TUSC3: variants seen among roughly 807,000 people sequenced by gnomAD.
TUSC3 encodes the protein tumor suppressor candidate 3.
A neutral mutation model predicts 44.8 loss-of-function variants in TUSC3; 45 were observed. The observed-to-expected ratio is 1.00, with a 90% CI of 0.79 to 1.29. TUSC3 has a LOEUF of 1.29. TUSC3 is among the 50% of genes most tolerant of loss of function. The pLI, the probability that TUSC3 is intolerant of heterozygous loss-of-function variation, is 0.00. For missense variants in TUSC3, 519 were observed against 437.9 expected (o/e 1.19, Z -1.65); for synonymous variants, 212 against 152.9 (o/e 1.39, Z -2.85).
At chr8:15,795,661 CAG>C in the TUSC3 span, among the ~76,000 whole-genome samples, 1 of 152,204 alleles carries the variant, frequency 6.6e-6, no homozygotes, top group Admixed American at 6.5e-5. Context: ...CACGAGGACA[CAG>C]AGTCCCTGGA....
intron 2 of TUSC3, among the ~76,000 whole-genome samples, chr8:15,517,949 A>C (rs1166133676): frequency 4.0e-5 from 6 of 151,074 alleles, no homozygotes; most frequent in Non-Finnish European, 1.5e-5. Context: ...AACTATTTAC[A>C]TTTGAAAACA....
chr8:15,518,040 G>T (rs1421256493), intron 2 of TUSC3, among the ~76,000 whole-genome samples: 1 of 150,492 alleles, frequency 6.6e-6, no homozygotes, highest in Non-Finnish European at 1.5e-5. Flanking sequence ...TACCCCTTTT[G>T]CCAGCCTCCG....
At chr8:15,641,594 C>T (rs987234745) in intron 2 of TUSC3, among the ~76,000 whole-genome samples, 1 of 152,136 alleles carries the variant, frequency 6.6e-6, no homozygotes, top group African/African-American at 2.4e-5. Context: ...TTACTAGAGA[C>T]TTCGTTATGC....
rs150898849 is a variant in TUSC3, at chr8:15,666,217, A to G, written c.708+3921A>G. ...TGACTGTCATTTCAAGCCAGAAAATATTAGTAGGATAAGCAATAACATTCA... is the reference window on the plus strand; with the variant it reads ...TGACTGTCATTTCAAGCCAGAAAATGTTAGTAGGATAAGCAATAACATTCA... On this transcript the variant is annotated intron_variant, in intron 5 of 10. Transcript: ENST00000503731. Among the ~76,000 whole-genome samples the G allele has an allele frequency of 4.3e-3, 656 of 151,610 alleles. 3 individuals carry two copies. The highest frequency in any genetic ancestry group is 5.8e-3 in the Non-Finnish European group (394 of 67,572).
At chr8:15,751,385 C>G (rs1811695818) in intron 9 of TUSC3, among the ~76,000 whole-genome samples, 1 of 152,182 alleles carries the variant, frequency 6.6e-6, no homozygotes, top group African/African-American at 2.4e-5. Context: ...AATCCTTCCA[C>G]TATTATTACT....
intron 3 of TUSC3, among the ~76,000 whole-genome samples, chr8:15,655,534 T>G (rs1334114775): frequency 6.6e-6 from 1 of 152,206 alleles, no homozygotes; most frequent in Non-Finnish European, 1.5e-5. Context: ...GTCCGAACAG[T>G]GCACTTTGAT....
chr8:15,490,764 T>C (rs1800797670), intron 2 of TUSC3, among the ~76,000 whole-genome samples: 1 of 152,212 alleles, frequency 6.6e-6, no homozygotes, highest in Admixed American at 6.5e-5. Context: ...TGAAAGAAAG[T>C]CACCAAAACA....
At chr8:15,590,396 A>C (rs1236203833) in intron 1 of TUSC3, among the ~76,000 whole-genome samples, 1 of 152,144 alleles carries the variant, frequency 6.6e-6, no homozygotes, top group Non-Finnish European at 1.5e-5. Flanking sequence ...GCCTAGTGAG[A>C]GACGTCATGA....
intron 1 of TUSC3, among the ~76,000 whole-genome samples, chr8:15,427,164 T>C (rs1799814280): frequency 6.6e-6 from 1 of 151,710 alleles, no homozygotes; most frequent in African/African-American, 2.4e-5. Context: ...ACAAATACTT[T>C]ATTTCATTCT....
chr8:15,738,827 C>CTTTTTTTTTTTCTTTCTT (rs1811050249), intron 7 of TUSC3, among the ~76,000 whole-genome samples: 3 of 87,204 alleles, frequency 3.4e-5, no homozygotes, highest in African/African-American at 1.5e-4. Flanking sequence ...ATATATCTTG[C>CTTTTTTTTTTTCTTTCTT]TTTTTTTTTT....
chr8:15,776,933 C>CA, the TUSC3 span, among the ~76,000 whole-genome samples: 9 of 150,886 alleles, frequency 6.0e-5, no homozygotes, highest in East Asian at 3.9e-4. Flanking sequence ...TGTGTTCATT[C>CA]AAAAAAAAAA....
intron 6 of TUSC3, among the ~76,000 whole-genome samples, chr8:15,675,787 G>A (rs911718506): frequency 2.0e-5 from 3 of 152,108 alleles, no homozygotes; most frequent in African/African-American, 2.4e-5. Context: ...TTTTATGGCT[G>A]TATAGTATTC....
At chr8:15,614,967 G>A (rs1275768699) in intron 1 of TUSC3, among the ~76,000 whole-genome samples, 3 of 147,796 alleles carry the variant, frequency 2.0e-5, no homozygotes, top group African/African-American at 7.4e-5. Context: ...CCCAAAATTC[G>A]GAAAAGGACG....
intron 2 of TUSC3, among the ~76,000 whole-genome samples, chr8:15,504,940 G>A (rs183892840): frequency 1.5e-4 from 23 of 151,780 alleles, no homozygotes; most frequent in Middle Eastern, 3.4e-3. Context: ...GCAATTTTGC[G>A]TCTTTCTTTC....
At chr8:15,630,063 T>G (rs1315557914) in intron 2 of TUSC3, among the ~76,000 whole-genome samples, 1 of 152,182 alleles carries the variant, frequency 6.6e-6, no homozygotes. Context: ...TCATAATTGC[T>G]AACTCTTTTA....
chr8:15,828,730 C>T, the TUSC3 span, among the ~76,000 whole-genome samples: 1 of 152,130 alleles, frequency 6.6e-6, no homozygotes, highest in Non-Finnish European at 1.5e-5. Context: ...CCACAGACAG[C>T]TGAAATAATC....
At chr8:15,446,399 C>G (rs62501884) in intron 1 of TUSC3, among the ~76,000 whole-genome samples, 1 of 151,858 alleles carries the variant, frequency 6.6e-6, no homozygotes, top group African/African-American at 2.4e-5. Context: ...GAGGTTGTAG[C>G]GAGTCGAGAT....
intron 2 of TUSC3, among the ~76,000 whole-genome samples, chr8:15,487,730 C>T (rs530024639): frequency 2.2e-4 from 33 of 152,256 alleles, no homozygotes; most frequent in African/African-American, 6.0e-4. Flanking sequence ...TATTTGCAAA[C>T]GAAACATCCA....
At chr8:15,749,603 G>C (rs889358240) in intron 9 of TUSC3, among the ~76,000 whole-genome samples, 1 of 151,848 alleles carries the variant, frequency 6.6e-6, no homozygotes, top group Admixed American at 6.6e-5. Flanking sequence ...GGCAGCAAGG[G>C]TTATGAGAGA....
Sources: gnomAD v4.1 joint callset for allele counts (sites outside exome capture counted in the v4.1 genomes callset) on GRCh38, gnomAD v4.1.1 for gene constraint, MANE v1.5 for transcripts, NCBI Gene and HGNC (gene_info 2026-07-23, HGNC 2026-07-21) for gene names.